SRBD1: variants seen among roughly 807,000 people sequenced by gnomAD.
SRBD1 encodes S1 RNA-binding domain-containing protein 1.
A neutral mutation model predicts 115.3 loss-of-function variants in SRBD1; 88 were observed. That is an observed-to-expected ratio of 0.76 (90% CI 0.64 to 0.91). The LOEUF (loss-of-function observed/expected upper bound fraction) is 0.91. Among genes scored for constraint, SRBD1 ranks in the 40% least tolerant of loss-of-function variants. The probability of loss-of-function intolerance (pLI) is 0.00; values close to 1 mark genes in which losing one functional copy is unlikely to be tolerated. For missense variants in SRBD1, 1,385 were observed against 1,177.4 expected (o/e 1.18, Z -2.58); for synonymous variants, 509 against 407.7 (o/e 1.25, Z -2.99).
rs1029524219 is a variant in SRBD1 at position 45,581,531 on chromosome 2, C to T, written c.933+162G>A. ...ACCCAAGTGCCTAGCACAAAAAAAACACTCTATAAATATTTATTGAATAAA... is the reference window on the plus strand; with the variant it reads ...ACCCAAGTGCCTAGCACAAAAAAAATACTCTATAAATATTTATTGAATAAA... On this transcript the variant is annotated intron_variant, in intron 6 of 20. Transcript: ENST00000263736. 2.7e-5 allele frequency among the ~76,000 whole-genome samples: 4 copies of T among 150,366 alleles called. No homozygotes were observed. The South Asian group carries it at 8.4e-4, about 31-fold the overall frequency.
At chr2:45,502,679 C>T (rs546000073) in intron 14 of SRBD1, among the ~76,000 whole-genome samples, 3 of 126,130 alleles carry the variant, frequency 2.4e-5, no homozygotes, top group South Asian at 2.8e-4. Context: ...CGGGGCCTGT[C>T]GTGGGGTGGG....
intron 9 of SRBD1, among the ~76,000 whole-genome samples, chr2:45,568,271 C>T (rs935640910): frequency 2.0e-5 from 3 of 152,186 alleles, no homozygotes; most frequent in African/African-American, 7.2e-5. Flanking sequence ...CAGCTATTAA[C>T]GGCTATTCCC....
At chr2:45,438,821 G>A (rs945234896) in intron 16 of SRBD1, among the ~76,000 whole-genome samples, 5 of 152,006 alleles carry the variant, frequency 3.3e-5, no homozygotes, top group Admixed American at 1.3e-4. Context: ...ATTTGAAGTA[G>A]TAACAAAACT....
intron 13 of SRBD1, among the ~76,000 whole-genome samples, 177 bp downstream of exon 13, chr2:45,547,345 G>A (rs1043847141): frequency 1.9e-4 from 29 of 152,186 alleles, no homozygotes; most frequent in Middle Eastern, 3.4e-3. Context: ...AGGGAGCAGC[G>A]TTTCTCAAGT....
intron 16 of SRBD1, among the ~76,000 whole-genome samples, chr2:45,462,597 C>G (rs1021934757): frequency 1.3e-5 from 2 of 151,180 alleles, no homozygotes; most frequent in African/African-American, 4.9e-5. Context: ...TAAAAGTACA[C>G]TAAGAGGAGA....
chr2:45,519,729 G>T (rs1188664949), intron 14 of SRBD1, among the ~76,000 whole-genome samples: 1 of 152,180 alleles, frequency 6.6e-6, no homozygotes, highest in East Asian at 1.9e-4. Flanking sequence ...TTAGTTTCAA[G>T]AAATCTTTGA....
intron 10 of SRBD1, among the ~76,000 whole-genome samples, chr2:45,556,382 G>A (rs764586123): frequency 6.7e-6 from 1 of 149,686 alleles, no homozygotes; most frequent in Admixed American, 6.6e-5. Flanking sequence ...AAAAGCAGAA[G>A]TGACAGCAAA....
chr2:45,600,723 G>A (rs1674066582), intron 3 of SRBD1, among the ~76,000 whole-genome samples: 3 of 152,116 alleles, frequency 2.0e-5, no homozygotes, highest in Non-Finnish European at 2.9e-5. Flanking sequence ...TCGGCACTGG[G>A]TATAGTGTAA....
At chr2:45,435,995 G>A (rs1668486811) in intron 16 of SRBD1, among the ~76,000 whole-genome samples, 1 of 152,028 alleles carries the variant, frequency 6.6e-6, no homozygotes, top group South Asian at 2.1e-4. Flanking sequence ...GAACACAGAT[G>A]CAAAAATTCT....
chr2:45,494,207 G>C (rs1373046190), intron 14 of SRBD1, among the ~76,000 whole-genome samples: 1 of 151,994 alleles, frequency 6.6e-6, no homozygotes, highest in Non-Finnish European at 1.5e-5. Flanking sequence ...AGAAAAAGCA[G>C]GCTTATGTAA....
intron 16 of SRBD1, among the ~76,000 whole-genome samples, chr2:45,473,632 ATTCTATC>A (rs548296934): frequency 9.9e-5 from 15 of 152,206 alleles, no homozygotes; most frequent in Non-Finnish European, 2.2e-4. Flanking sequence ...CAACTACTGC[ATTCTATC>A]TTCTATCATT....
chr2:45,544,966 A>G (rs1672062659), intron 14 of SRBD1, among the ~76,000 whole-genome samples: 1 of 152,130 alleles, frequency 6.6e-6, no homozygotes, highest in South Asian at 2.1e-4. Flanking sequence ...TTCAAAACCT[A>G]CATAACTAGT....
At chr2:45,433,746 C>G (rs113521452) in intron 16 of SRBD1, among the ~76,000 whole-genome samples, 124 of 152,286 alleles carry the variant, frequency 8.1e-4, no homozygotes, top group African/African-American at 2.6e-3. Flanking sequence ...ATTTAAAAAC[C>G]TATGTGTTCT....
chr2:45,551,159 T>A lies in SRBD1; in HGVS notation c.1641A>T (p.Lys547Asn). Reference protein sequence around the residue: ...RTLMGVDPGYKHGCKLAIISP... With the variant: ...RTLMGVDPGYNHGCKLAIISP... ...AAATTATAGCTAATTTGCAACCATG[T>A]TTATAACCAGGATCCACTCCCATTA... is the stretch of plus-strand genomic sequence containing the variant. Residue 547 changes from lysine to asparagine, a missense_variant, in exon 12 of 21, where the codon AAA (lysine) becomes AAT (asparagine). By Grantham distance (94) the Lys-to-Asn change is moderately conservative. Transcript: ENST00000263736. The A allele has an allele frequency of 1.9e-6, 3 of 1,601,262 alleles. No individual in the cohort carries two copies. The highest frequency in any genetic ancestry group is 1.7e-4 in the Middle Eastern group (1 of 6,032).
In SRBD1 at chr2:45,553,639, G is replaced by A. The variant is rs1387527339; in HGVS notation, c.1501C>T (p.Leu501Phe). ...DSFKRLIYPL[L>F]CREFRAKLTS... ...GATATATACCTGAATTCTCTACAGA[G>A]AAGAGGATAAATAAGGCGTTTAAAG... The change falls in exon 11 of 21, where the codon CTC (leucine) becomes TTC (phenylalanine). Residue 501 changes from leucine (L) to phenylalanine (F), a missense_variant. Coordinates refer to ENST00000263736, the MANE Select transcript of SRBD1 (RefSeq NM_018079.5). The A allele has an allele frequency of 6.3e-7, 1 of 1,595,974 alleles. No individual in the cohort carries two copies. Among genetic ancestry groups the A allele is most frequent in the Non-Finnish European group, 8.5e-7 (1 of 1,173,056 alleles).
chr2:45,574,496 C>CA, intron 8 of SRBD1, 131 bp downstream of exon 8: 1 of 734,034 alleles, frequency 1.4e-6, no homozygotes, highest in East Asian at 2.7e-5. Flanking sequence ...GTTGTTTGAA[C>CA]AAAGAGTTTT....
At position 45,477,042 on chromosome 2, in the gene SRBD1, G is replaced by C; in HGVS notation, c.2000C>G (p.Ala667Gly). The change falls in exon 16 of 21, where the codon GCT (alanine) becomes GGT (glycine). Residue 667 changes from alanine (A) to glycine (G), a missense_variant. By Grantham distance (60) the Ala-to-Gly change is moderately conservative. Transcript: ENST00000263736. ...CTTTGGCTCAATTTTCACTAGCTCA[G>C]CTAATGGATCTTGTACACGCCTTGC... ...SIARRVQDPL[A>G]ELVKIEPKHI... 2 of 1,613,718 alleles carry C rather than the reference G, an allele frequency of 1.2e-6. No individual in the cohort carries two copies. Among genetic ancestry groups the C allele is most frequent in the Non-Finnish European group, 1.7e-6 (2 of 1,179,884 alleles).
At chr2:45,500,720 G>C (rs1379856497) in intron 14 of SRBD1, among the ~76,000 whole-genome samples, 1 of 152,090 alleles carries the variant, frequency 6.6e-6, no homozygotes, top group African/African-American at 2.4e-5. Flanking sequence ...CCAGCCAACA[G>C]TATTGATTTT....
At chr2:45,572,859 G>T (rs1241530624) in intron 9 of SRBD1, among the ~76,000 whole-genome samples, 2 of 152,098 alleles carry the variant, frequency 1.3e-5, no homozygotes, top group Non-Finnish European at 2.9e-5. Context: ...TTCTAAATCA[G>T]ATATCTCATA....
Sources: allele counts gnomAD v4.1 joint callset (sites outside exome capture counted in the v4.1 genomes callset), GRCh38; gene constraint gnomAD v4.1.1; transcripts MANE v1.5; gene names NCBI Gene and HGNC (gene_info 2026-07-23, HGNC 2026-07-21).